EMCN: variants seen among roughly 807,000 people sequenced by gnomAD.
EMCN encodes the protein MUC-14.
A neutral mutation model predicts 38.4 loss-of-function variants in EMCN; 37 were observed. The ratio of observed to expected loss-of-function variants is 0.96; its 90% confidence interval spans 0.74 to 1.27. The LOEUF (loss-of-function observed/expected upper bound fraction) is 1.27. EMCN is among the 50% of genes most tolerant of loss of function. The pLI is 0.00. For missense variants in EMCN, 318 were observed against 302.8 expected (o/e 1.05, Z -0.37); for synonymous variants, 95 against 100.8 (o/e 0.94, Z 0.35).
intron 5 of EMCN, among the ~76,000 whole-genome samples, chr4:100,434,360 G>A (rs1727288684): frequency 8.0e-6 from 1 of 124,708 alleles, no homozygotes; most frequent in African/African-American, 3.0e-5. Context: ...TGAAATTGAG[G>A]CAGTAATAAA....
chr4:100,452,205 T>C (rs1382057800), intron 4 of EMCN, among the ~76,000 whole-genome samples: 1 of 152,074 alleles, frequency 6.6e-6, no homozygotes, highest in Non-Finnish European at 1.5e-5. Flanking sequence ...TATAAAATTA[T>C]CTTTGCTTTT....
At chr4:100,500,101 TA>T (rs138663772) in intron 1 of EMCN, among the ~76,000 whole-genome samples, 47 of 151,984 alleles carry the variant, frequency 3.1e-4, no homozygotes, top group African/African-American at 1.0e-3. Flanking sequence ...GATTTATTTG[TA>T]AAAAAAAGAG....
intron 11 of EMCN, among the ~76,000 whole-genome samples, chr4:100,405,587 T>G (rs1020789772): frequency 5.9e-5 from 9 of 152,104 alleles, no homozygotes; most frequent in African/African-American, 2.2e-4. Context: ...TCATGGTGGA[T>G]TAGCTTTATG....
At chr4:100,438,809 T>C (rs1374663943) in intron 5 of EMCN, among the ~76,000 whole-genome samples, 2 of 152,000 alleles carry the variant, frequency 1.3e-5, no homozygotes, top group African/African-American at 4.8e-5. Context: ...TGATGTTGGA[T>C]TTTGAAAAAT....
intron 5 of EMCN, among the ~76,000 whole-genome samples, chr4:100,431,830 G>A (rs28656171): frequency 0.011 from 1,615 of 146,952 alleles, 36 homozygotes; most frequent in African/African-American, 0.038. Context: ...TCTCGCTCTC[G>A]CTGTCAATGC....
At chr4:100,415,301 A>G (rs748340497) in intron 10 of EMCN, among the ~76,000 whole-genome samples, 2 of 152,252 alleles carry the variant, frequency 1.3e-5, no homozygotes, top group Non-Finnish European at 2.9e-5. Context: ...CCATGATTTT[A>G]ATTTTGAAAA....
At chr4:100,499,693 A>G (rs190432300) in intron 1 of EMCN, among the ~76,000 whole-genome samples, 2 of 152,324 alleles carry the variant, frequency 1.3e-5, no homozygotes, top group East Asian at 3.9e-4. Flanking sequence ...CCCATGCAGA[A>G]CAAGGATTTT....
At chr4:100,477,133 A>G (rs1178869425) in intron 2 of EMCN, among the ~76,000 whole-genome samples, 1 of 152,236 alleles carries the variant, frequency 6.6e-6, no homozygotes, top group South Asian at 2.1e-4. Context: ...ATATTTTATT[A>G]TCAGAAACTG....
chr4:100,484,336 G>T (rs1578224979), intron 1 of EMCN, among the ~76,000 whole-genome samples: 1 of 152,090 alleles, frequency 6.6e-6, no homozygotes, highest in African/African-American at 2.4e-5. Context: ...GTTTTCAAAT[G>T]ATAAAGTCAT....
At chr4:100,416,113 C>CATATATATATAT (rs35553330) in intron 9 of EMCN, among the ~76,000 whole-genome samples, 154 bp from the exon 10 acceptor site, 1 of 147,724 alleles carries the variant, frequency 6.8e-6, no homozygotes, top group African/African-American at 2.5e-5. Flanking sequence ...TGTATACATA[C>CATATATATATAT]ATATATATAT....
chr4:100,498,738 G>A (rs1729275575), intron 1 of EMCN, among the ~76,000 whole-genome samples: 1 of 152,052 alleles, frequency 6.6e-6, no homozygotes, highest in Admixed American at 6.5e-5. Context: ...CACCGTGCCC[G>A]GCCTATGCAT....
At chr4:100,421,254 G>C (rs1560607764) in intron 8 of EMCN, 28 bp downstream of exon 8, 1 of 1,586,734 alleles carries the variant, frequency 6.3e-7, no homozygotes, top group South Asian at 1.1e-5. Context: ...CTTCTTTCAG[G>C]AAAACAAAAC....
At chr4:100,510,476 G>T (rs1729597672) in intron 1 of EMCN, among the ~76,000 whole-genome samples, 1 of 152,112 alleles carries the variant, frequency 6.6e-6, no homozygotes, top group Admixed American at 6.5e-5. Context: ...TCTGCTTCTG[G>T]ATTGGAATCA....
chr4:100,424,887 A>G (rs1001355182), intron 5 of EMCN, among the ~76,000 whole-genome samples: 1 of 152,038 alleles, frequency 6.6e-6, no homozygotes, highest in East Asian at 1.9e-4. Context: ...TTGTCCTACC[A>G]TATTACCTTC....
At chr4:100,498,505 AG>A (rs1468906366) in intron 1 of EMCN, among the ~76,000 whole-genome samples, 1 of 149,306 alleles carries the variant, frequency 6.7e-6, no homozygotes. Context: ...TTTTTTTTTT[AG>A]ACGGAGTCTC....
At chr4:100,471,245 A>G (rs987655710) in intron 3 of EMCN, among the ~76,000 whole-genome samples, 4 of 151,972 alleles carry the variant, frequency 2.6e-5, no homozygotes, top group African/African-American at 9.7e-5. Flanking sequence ...TATCAAAATT[A>G]TGAATGAAAG....
intron 3 of EMCN, among the ~76,000 whole-genome samples, chr4:100,469,127 A>G (rs958700705): frequency 2.0e-5 from 3 of 152,160 alleles, no homozygotes; most frequent in Non-Finnish European, 1.5e-5. Context: ...AGAGGTTACT[A>G]TAAAGAAAGG....
intron 10 of EMCN, 116 bp downstream of exon 10, chr4:100,415,782 G>A (rs1414016898): frequency 3.2e-6 from 2 of 632,134 alleles, no homozygotes; most frequent in Middle Eastern, 4.3e-4. Context: ...GACAGTAATT[G>A]GCTATTTCTA....
intron 10 of EMCN, among the ~76,000 whole-genome samples, chr4:100,413,033 T>A (rs1726608695): frequency 6.6e-6 from 1 of 152,204 alleles, no homozygotes; most frequent in South Asian, 2.1e-4. Flanking sequence ...TGCAGAGGGC[T>A]GTTTCCTTGG....
Sources: allele counts gnomAD v4.1 joint callset (sites outside exome capture counted in the v4.1 genomes callset), GRCh38; gene constraint gnomAD v4.1.1; transcripts MANE v1.5; gene names NCBI Gene and HGNC (gene_info 2026-07-23, HGNC 2026-07-21).